Variants in KCNMA1 observed in about 807,000 individuals in gnomAD.
KCNMA1 encodes the protein potassium calcium-activated channel subfamily M alpha 1.
Under a neutral mutation model 140.0 loss-of-function variants are expected in KCNMA1, and 29 were observed. The ratio of observed to expected loss-of-function variants is 0.21; its 90% confidence interval spans 0.15 to 0.28. The LOEUF (loss-of-function observed/expected upper bound fraction) is 0.28. KCNMA1 is among the 10% of genes least tolerant of loss of function. The probability of loss-of-function intolerance (pLI) is 1.00; values close to 1 mark genes in which losing one functional copy is unlikely to be tolerated. For synonymous variants in KCNMA1, 612 were observed against 611.9 expected (o/e 1.00, Z 0.00); for missense variants, 880 against 1,602.2 (o/e 0.55, Z 7.70).
At chr10:76,932,946 G>C (rs2059636828) in intron 23 of KCNMA1, among the ~76,000 whole-genome samples, 1 of 152,148 alleles carries the variant, frequency 6.6e-6, no homozygotes, top group African/African-American at 2.4e-5. Flanking sequence ...ACAGCCTTGG[G>C]CCCTGGGTTG....
At chr10:77,217,625 A>G in intron 3 of KCNMA1, 2 of 428,960 alleles carry the variant, frequency 4.7e-6, no homozygotes, top group Non-Finnish European at 9.6e-6. Flanking sequence ...AATGAGAAAC[A>G]AAAGGAGAAA....
At position 77,072,998 on chromosome 10, in the gene KCNMA1, G is replaced by C. The variant is rs2096267526; in HGVS notation, c.1749+99C>G. On this transcript the variant is annotated intron_variant, in intron 14 of 27. Coordinates refer to ENST00000286628, the MANE Select transcript of KCNMA1 (RefSeq NM_001161352.2). Reference sequence around the variant, plus strand: ...AATTTCTCCTTAACCCAAGTGGTTAGAGCCCGTCGATCTGTTTTGAGTTTA... The same window carrying C: ...AATTTCTCCTTAACCCAAGTGGTTACAGCCCGTCGATCTGTTTTGAGTTTA... 5.2e-6 allele frequency: 6 copies of C among 1,154,404 alleles called. No individual in the cohort carries two copies. In the East Asian group the frequency reaches 1.4e-4, roughly 27 times the overall value. 71.5% of individuals were successfully genotyped at this position (1,154,404 alleles called of 1,614,324 possible). A position where few individuals can be genotyped will look rare whatever the true frequency, so the allele number is the denominator to read the frequency against.
chr10:77,256,015 T>C (rs1424235547), intron 2 of KCNMA1, among the ~76,000 whole-genome samples: 1 of 151,486 alleles, frequency 6.6e-6, no homozygotes, highest in Admixed American at 6.6e-5. Context: ...TCTCGCTAGA[T>C]GAAAATCCCG....
At chr10:77,532,348 C>T (rs1398175991) in intron 1 of KCNMA1, among the ~76,000 whole-genome samples, 5 of 152,184 alleles carry the variant, frequency 3.3e-5, no homozygotes, top group South Asian at 4.1e-4. Context: ...AGATTCTCCC[C>T]GCCAGTACAG....
rs540810541 is a variant in KCNMA1, at chr10:77,616,588, T to C, written c.378+20677A>G. On this transcript the variant is annotated intron_variant, in intron 1 of 27. Transcript: ENST00000286628. Reference sequence around the variant, plus strand: ...TGGGAGGCTGAGGCGGGTGGATCACTTGAGATCAGGAGTTCGAGACCAGCC... The same window carrying C: ...TGGGAGGCTGAGGCGGGTGGATCACCTGAGATCAGGAGTTCGAGACCAGCC... Among the ~76,000 whole-genome samples the C allele has an allele frequency of 1.1e-4, 16 of 152,172 alleles. 1 individual carries two copies. In the South Asian group the frequency reaches 3.3e-3, roughly 32 times the overall value.
At chr10:77,290,403 G>A (rs520887) in intron 2 of KCNMA1, among the ~76,000 whole-genome samples, 71,299 of 152,004 alleles carry the variant, frequency 0.47, 18,059 homozygotes, top group Non-Finnish European at 0.57. Flanking sequence ...TAAGAAGTCA[G>A]ATCAGACTTT....
chr10:77,443,447 A>G (rs2097453856), intron 1 of KCNMA1, among the ~76,000 whole-genome samples: 1 of 152,168 alleles, frequency 6.6e-6, no homozygotes, highest in Non-Finnish European at 1.5e-5. Context: ...GGCTTCACAG[A>G]GAACACGGAG....
At chr10:77,252,977 C>G (rs2059980590) in intron 2 of KCNMA1, among the ~76,000 whole-genome samples, 1 of 152,138 alleles carries the variant, frequency 6.6e-6, no homozygotes. Flanking sequence ...TGCCTCACCT[C>G]AACCCCTCCC....
intron 1 of KCNMA1, among the ~76,000 whole-genome samples, chr10:77,454,158 A>T (rs1421499401): frequency 6.6e-6 from 1 of 152,118 alleles, no homozygotes; most frequent in East Asian, 1.9e-4. Context: ...CCAATCAAAA[A>T]CTACCAGGCA....
rs1567574991 is a variant in KCNMA1, at chr10:77,564,572, G to C, written c.378+72693C>G. On this transcript the variant is annotated intron_variant, in intron 1 of 27. Coordinates refer to ENST00000286628, the MANE Select transcript of KCNMA1 (RefSeq NM_001161352.2). Reference sequence around the variant, plus strand: ...TACTCCAGCCTGGGCAACAGAGCAAGACTCTGTCTCAAAAATAAATTTAAA... The same window carrying C: ...TACTCCAGCCTGGGCAACAGAGCAACACTCTGTCTCAAAAATAAATTTAAA... Among the ~76,000 whole-genome samples the C allele has an allele frequency of 2.6e-5, 4 of 152,268 alleles. No individual in the cohort carries two copies. In the South Asian group the frequency reaches 8.3e-4, roughly 32 times the overall value.
chr10:76,934,791 C>T (rs2060126562), intron 23 of KCNMA1, among the ~76,000 whole-genome samples: 2 of 152,132 alleles, frequency 1.3e-5, no homozygotes, highest in African/African-American at 2.4e-5. Flanking sequence ...TGTGGTTTCC[C>T]CACTATAAGA....
chr10:77,102,110 C>T lies in KCNMA1; in HGVS notation c.1223+6371G>A, dbSNP rs79411761. ...GTAGAAATGCATCTGTCCCCAGTGCCTGGTAGCAAGCCCTCAGTAAACACA... is the reference window on the plus strand; with the variant it reads ...GTAGAAATGCATCTGTCCCCAGTGCTTGGTAGCAAGCCCTCAGTAAACACA... On this transcript the variant is annotated intron_variant, in intron 9 of 27. Coordinates refer to ENST00000286628, the MANE Select transcript of KCNMA1 (RefSeq NM_001161352.2). 0.025 allele frequency among the ~76,000 whole-genome samples: 3,759 copies of T among 152,242 alleles called. 241 individuals carry two copies. In the East Asian group the frequency reaches 0.25, roughly 10 times the overall value.
chr10:77,610,058 C>T lies in KCNMA1; in HGVS notation c.378+27207G>A, dbSNP rs922439511. On this transcript the variant is annotated intron_variant, in intron 1 of 27. Transcript: ENST00000286628. ...AGGTCACCCTGTTCCCACCCTGCAC[C>T]AGCTGCTCCTCTGCCTGCGGCTTTC... 2.4e-4 allele frequency among the ~76,000 whole-genome samples: 36 copies of T among 152,232 alleles called. 1 individual carries two copies. Among genetic ancestry groups the T allele is most frequent in the African/African-American group, 8.7e-4 (36 of 41,458 alleles).
At chr10:77,382,865 CAAAAAAAAA>C (rs767673552) in intron 2 of KCNMA1, among the ~76,000 whole-genome samples, 3 of 47,604 alleles carry the variant, frequency 6.3e-5, no homozygotes, top group African/African-American at 1.2e-4. Context: ...AGCTCCGTCT[CAAAAAAAAA>C]AAAAAAAAAA....
At chr10:76,936,582 T>A (rs367807113) in intron 23 of KCNMA1, among the ~76,000 whole-genome samples, 3 of 152,214 alleles carry the variant, frequency 2.0e-5, no homozygotes, top group East Asian at 1.9e-4. Context: ...GAGAATATTG[T>A]GGTAATGAAA....
At chr10:77,376,286 T>C (rs1477509207) in intron 2 of KCNMA1, 1 of 152,228 alleles carries the variant, frequency 6.6e-6, no homozygotes, top group African/African-American at 2.4e-5. Flanking sequence ...TTGGGCTCTG[T>C]AGACCTTCTC....
chr10:77,101,787 G>A (rs1043125061), intron 9 of KCNMA1, among the ~76,000 whole-genome samples: 15 of 152,206 alleles, frequency 9.9e-5, no homozygotes, highest in African/African-American at 2.2e-4. Flanking sequence ...CCTTGCAGGC[G>A]AGGAAAAGTG....
chr10:77,110,617 CTCT>C (rs2097296939), intron 7 of KCNMA1, among the ~76,000 whole-genome samples: 1 of 152,162 alleles, frequency 6.6e-6, no homozygotes, highest in South Asian at 2.1e-4. Flanking sequence ...TAGGCCTTTT[CTCT>C]TCTTCTGGTA....
chr10:77,090,618 C>A, intron 9 of KCNMA1, 108 bp from the exon 10 acceptor site: 1 of 759,350 alleles, frequency 1.3e-6, no homozygotes, highest in Non-Finnish European at 2.4e-6. Context: ...AAGCATTCAT[C>A]TCCTCCCTCC....
Sources: gnomAD v4.1 joint callset for allele counts (sites outside exome capture counted in the v4.1 genomes callset) on GRCh38, gnomAD v4.1.1 for gene constraint, MANE v1.5 for transcripts, NCBI Gene and HGNC (gene_info 2026-07-23, HGNC 2026-07-21) for gene names.